The following DACH1 variants were observed in gnomAD, a reference collection of about 807,000 sequenced individuals.
The protein encoded by DACH1 is dachshund family transcription factor 1.
A neutral mutation model predicts 54.2 loss-of-function variants in DACH1; 12 were observed. The observed-to-expected ratio is 0.22, with a 90% confidence interval of 0.14 to 0.36. DACH1 has a LOEUF of 0.36. DACH1 is among the 10% of genes least tolerant of loss of function. The pLI, the probability that DACH1 is intolerant of heterozygous loss-of-function variation, is 1.00. For missense variants in DACH1, 805 were observed against 929.8 expected, an observed-to-expected ratio of 0.87 and a Z score of 1.75; for synonymous variants, 386 against 366.2, an observed-to-expected ratio of 1.05 and a Z score of -0.62.
At chr13:71,772,263 T>C (rs528166417) in intron 1 of DACH1, among the ~76,000 whole-genome samples, 1 of 151,850 alleles carries the variant, frequency 6.6e-6, no homozygotes, top group African/African-American at 2.4e-5. Context: ...GGGTTCTTTA[T>C]GAATATGTGA....
intron 6 of DACH1, among the ~76,000 whole-genome samples, chr13:71,500,034 A>G (rs1421825843): frequency 6.6e-6 from 1 of 152,152 alleles, no homozygotes; most frequent in Non-Finnish European, 1.5e-5. Context: ...TTATAATTTC[A>G]GAAAGAAAAA....
rs1555320916 is a variant in DACH1, at chr13:71,771,355, A to AAATC, written c.849-89449_849-89446dup. On this transcript the variant is annotated intron_variant, in intron 1 of 10. Coordinates refer to ENST00000613252, the MANE Select transcript of DACH1 (RefSeq NM_080759.6). ...TAAATAAATAAATAAATAAATAAAT[A>AAATC]AATCTTTGCCAGAATGACCAAATGA... is the stretch of plus-strand genomic sequence containing the variant. Among the ~76,000 whole-genome samples the AAATC allele has an allele frequency of 6.8e-4, 103 of 150,508 alleles. 1 individual carries two copies. Among genetic ancestry groups the AAATC allele is most frequent in the African/African-American group, 2.4e-3 (98 of 41,216 alleles).
At chr13:71,477,307 G>T (rs1435261138) in intron 8 of DACH1, among the ~76,000 whole-genome samples, 1 of 150,816 alleles carries the variant, frequency 6.6e-6, no homozygotes, top group Non-Finnish European at 1.5e-5. Flanking sequence ...TTTTTTAGTA[G>T]AGGCGCGGTT....
At chr13:71,488,293 G>A (rs1273868530) in intron 7 of DACH1, among the ~76,000 whole-genome samples, 2 of 152,080 alleles carry the variant, frequency 1.3e-5, no homozygotes, top group Admixed American at 6.6e-5. Flanking sequence ...TCCATCTGGG[G>A]TCCACATGAT....
At chr13:71,863,245 G>A (rs1178630253) in intron 1 of DACH1, among the ~76,000 whole-genome samples, 2 of 152,058 alleles carry the variant, frequency 1.3e-5, no homozygotes, top group Non-Finnish European at 2.9e-5. Context: ...TTTGGTGAGA[G>A]GGAGTTCCAT....
chr13:71,637,540 A>G (rs1877575889), intron 2 of DACH1, among the ~76,000 whole-genome samples: 1 of 152,196 alleles, frequency 6.6e-6, no homozygotes, highest in Non-Finnish European at 1.5e-5. Flanking sequence ...TCATAAAATC[A>G]CTAAATCTTC....
intron 3 of DACH1, among the ~76,000 whole-genome samples, chr13:71,576,267 T>C (rs539887760): frequency 1.3e-5 from 2 of 152,298 alleles, no homozygotes; most frequent in South Asian, 2.1e-4. Context: ...GGAATTTATA[T>C]ATAAAGAGTG....
intron 1 of DACH1, among the ~76,000 whole-genome samples, chr13:71,779,156 TAC>T (rs1472945231): frequency 6.3e-5 from 5 of 78,886 alleles, no homozygotes; most frequent in Non-Finnish European, 1.5e-4. Flanking sequence ...TACACATATA[TAC>T]GTATATACGT....
rs116516413 is a variant in DACH1, at chr13:71,538,942, T to C, written c.1570+18082A>G. Among the ~76,000 whole-genome samples, 894 of 152,184 alleles carry C rather than the reference T, an allele frequency of 5.9e-3. 7 individuals are homozygous for C. Among genetic ancestry groups the C allele is most frequent in the African/African-American group, 0.02 (847 of 41,564 alleles). On this transcript the variant is annotated intron_variant, in intron 6 of 10. Transcript: ENST00000613252. ...TTTCAGAGTTTATTTTAGGCAGTTA[T>C]TGGATATTTATGTTTATCACATAAA...
At chr13:71,816,873 A>G (rs1887981945) in intron 1 of DACH1, among the ~76,000 whole-genome samples, 1 of 151,996 alleles carries the variant, frequency 6.6e-6, no homozygotes, top group Non-Finnish European at 1.5e-5. Context: ...GAACACATGG[A>G]CACATAGAGG....
intron 1 of DACH1, among the ~76,000 whole-genome samples, chr13:71,724,792 T>G (rs1883395582): frequency 6.6e-6 from 1 of 152,152 alleles, no homozygotes; most frequent in African/African-American, 2.4e-5. Flanking sequence ...TTGTATTTTT[T>G]TAAGCTCCAA....
chr13:71,811,645 G>A (rs760517310), intron 1 of DACH1, among the ~76,000 whole-genome samples: 1 of 152,140 alleles, frequency 6.6e-6, no homozygotes, highest in Non-Finnish European at 1.5e-5. Flanking sequence ...GGTTCCTCAA[G>A]CCAGGGATAT....
At chr13:71,789,531 A>G (rs1341504139) in intron 1 of DACH1, among the ~76,000 whole-genome samples, 1 of 152,032 alleles carries the variant, frequency 6.6e-6, no homozygotes, top group African/African-American at 2.4e-5. Flanking sequence ...AGATTTAAAA[A>G]ATTTAGGTAT....
chr13:71,477,313 C>T (rs1877654862), intron 8 of DACH1, among the ~76,000 whole-genome samples: 2 of 150,734 alleles, frequency 1.3e-5, no homozygotes, highest in Non-Finnish European at 3.0e-5. Context: ...AGTAGAGGCG[C>T]GGTTTCACCT....
chr13:71,710,305 A>G lies in DACH1; in HGVS notation c.849-28395T>C, dbSNP rs1000426437. On this transcript the variant is annotated intron_variant, in intron 1 of 10. Coordinates refer to ENST00000613252, the MANE Select transcript of DACH1 (RefSeq NM_080759.6). ...TTTCCCTTCAGATTCCATCTCAAGG[A>G]CTTTTCATCTTTGCCAAATTTTAAA... 2.6e-5 allele frequency among the ~76,000 whole-genome samples: 4 copies of G among 152,180 alleles called. No individual in the cohort carries two copies. In the South Asian group the frequency reaches 6.2e-4, roughly 24 times the overall value.
At chr13:71,817,665 G>A (rs1319173637) in intron 1 of DACH1, among the ~76,000 whole-genome samples, 1 of 151,986 alleles carries the variant, frequency 6.6e-6, no homozygotes, top group Non-Finnish European at 1.5e-5. Flanking sequence ...ACATCTCATT[G>A]AATATTTGTT....
At chr13:71,540,444 A>G (rs1008113759) in intron 6 of DACH1, among the ~76,000 whole-genome samples, 10 of 152,140 alleles carry the variant, frequency 6.6e-5, no homozygotes, top group Non-Finnish European at 1.3e-4. Flanking sequence ...GGTTTAGAAA[A>G]TGACAGGATG....
chr13:71,571,956 CGATCTTCTGACCTTGT>C (rs1566350154), intron 4 of DACH1, among the ~76,000 whole-genome samples: 1 of 151,908 alleles, frequency 6.6e-6, no homozygotes, highest in Admixed American at 6.6e-5. Context: ...AGGATGGTCT[CGATCTTCTGACCTTGT>C]GATCTGAACA....
intron 4 of DACH1, among the ~76,000 whole-genome samples, chr13:71,565,658 A>G (rs1020623635): frequency 2.0e-5 from 3 of 152,142 alleles, no homozygotes; most frequent in Non-Finnish European, 4.4e-5. Flanking sequence ...GAAGCCCCAA[A>G]TAATATTTAC....
Sources: gnomAD v4.1 joint callset for allele counts (sites outside exome capture counted in the v4.1 genomes callset) on GRCh38, gnomAD v4.1.1 for gene constraint, MANE v1.5 for transcripts, NCBI Gene and HGNC (gene_info 2026-07-23, HGNC 2026-07-21) for gene names.